Variants in CSMD3 observed in about 807,000 individuals in gnomAD.
CSMD3 encodes the protein CUB and sushi domain-containing protein 3.
Under a neutral mutation model 435.2 loss-of-function variants are expected in CSMD3, and 177 were observed. That is an observed-to-expected ratio of 0.41 (90% confidence interval 0.36 to 0.46). CSMD3 has a LOEUF of 0.46. CSMD3 is among the 20% of genes least tolerant of loss of function. CSMD3 has a pLI of 0.34. For missense variants in CSMD3, 4,265 were observed against 4,504.6 expected, an observed-to-expected ratio of 0.95 and a Z score of 1.52; for synonymous variants, 1,656 against 1,520.5, an observed-to-expected ratio of 1.09 and a Z score of -2.07.
intron 4 of CSMD3, among the ~76,000 whole-genome samples, chr8:113,103,993 T>C (rs1482928378): frequency 6.6e-6 from 1 of 152,096 alleles, no homozygotes; most frequent in Non-Finnish European, 1.5e-5. Context: ...TTGAACATAA[T>C]ATAAATTGGA....
At chr8:112,252,679 GTATATATATATA>G (rs10542301) in intron 63 of CSMD3, among the ~76,000 whole-genome samples, 76 of 141,360 alleles carry the variant, frequency 5.4e-4, no homozygotes, top group Middle Eastern at 3.8e-3. Context: ...ATGTGTGTGT[GTATATATATATA>G]TATATATATA....
chr8:112,659,174 A>C (rs1249409702), intron 17 of CSMD3, among the ~76,000 whole-genome samples: 1 of 151,480 alleles, frequency 6.6e-6, no homozygotes, highest in Non-Finnish European at 1.5e-5. Context: ...AACATTGTTC[A>C]GTACCAGTGA....
chr8:113,012,109 A>T (rs901440884), intron 6 of CSMD3, among the ~76,000 whole-genome samples: 4 of 151,938 alleles, frequency 2.6e-5, no homozygotes, highest in South Asian at 2.1e-4. Context: ...CAAATACTAC[A>T]TACCAATGAA....
intron 9 of CSMD3, among the ~76,000 whole-genome samples, chr8:112,922,081 G>A (rs772622861): frequency 6.6e-6 from 1 of 151,960 alleles, no homozygotes; most frequent in East Asian, 1.9e-4. Context: ...TTTCTGGCAT[G>A]TATTTACATG....
At chr8:113,337,579 T>G (rs752996317) in intron 1 of CSMD3, among the ~76,000 whole-genome samples, 7 of 152,058 alleles carry the variant, frequency 4.6e-5, no homozygotes, top group Non-Finnish European at 8.8e-5. Flanking sequence ...GTTTAGGTAA[T>G]AGCTTAGATC....
chr8:112,475,393 T>C (rs1392854547), intron 31 of CSMD3, among the ~76,000 whole-genome samples: 1 of 152,162 alleles, frequency 6.6e-6, no homozygotes, highest in East Asian at 1.9e-4. Context: ...TTTAATCACA[T>C]GTCCTTATGG....
intron 1 of CSMD3, among the ~76,000 whole-genome samples, chr8:113,344,759 G>C (rs560743468): frequency 6.6e-6 from 1 of 152,192 alleles, no homozygotes; most frequent in Admixed American, 6.6e-5. Flanking sequence ...ATTTTCTGTA[G>C]CTAAGTTCTC....
intron 3 of CSMD3, among the ~76,000 whole-genome samples, chr8:113,203,592 TATAATTAA>T (rs1038469693): frequency 6.6e-6 from 1 of 151,810 alleles, no homozygotes; most frequent in Non-Finnish European, 1.5e-5. Flanking sequence ...TTTTATCCAA[TATAATTAA>T]ATATATAATT....
chr8:112,878,075 A>C lies in CSMD3; in HGVS notation c.1634-18809T>G, dbSNP rs1482454759. ...AGCCAAAACTGACAAATGGGATCTA[A>C]TTAAACTAAAGAGCTTCTGCACAGC... On this transcript the variant is annotated intron_variant, in intron 10 of 70. Coordinates refer to ENST00000297405, the MANE Select transcript of CSMD3 (RefSeq NM_198123.2). Among the ~76,000 whole-genome samples, 4 of 152,220 alleles carry C rather than the reference A, an allele frequency of 2.6e-5. No individual in the cohort carries two copies. In the East Asian group the frequency reaches 5.8e-4, roughly 22 times the overall value.
intron 61 of CSMD3, among the ~76,000 whole-genome samples, chr8:112,259,510 A>G (rs1003593164): frequency 2.0e-5 from 3 of 152,146 alleles, no homozygotes; most frequent in African/African-American, 4.8e-5. Flanking sequence ...TGATGAGTGC[A>G]GCAAACCACC....
intron 6 of CSMD3, among the ~76,000 whole-genome samples, chr8:112,984,665 T>C (rs1360904858): frequency 1.3e-5 from 2 of 152,102 alleles, no homozygotes; most frequent in African/African-American, 2.4e-5. Flanking sequence ...GAACAGAATA[T>C]ATTTGGAAAG....
intron 35 of CSMD3, among the ~76,000 whole-genome samples, chr8:112,402,271 T>A (rs570652773): frequency 5.9e-4 from 90 of 152,344 alleles, no homozygotes; most frequent in African/African-American, 2.1e-3. Flanking sequence ...CACCCACGAC[T>A]CTTGTGCTGA....
intron 32 of CSMD3, among the ~76,000 whole-genome samples, chr8:112,471,561 G>A (rs1230379793): frequency 1.3e-5 from 2 of 152,090 alleles, no homozygotes; most frequent in Non-Finnish European, 2.9e-5. Flanking sequence ...CTACATTTCT[G>A]ATGACAGTAC....
chr8:112,267,022 C>T (rs1817016177), intron 59 of CSMD3, among the ~76,000 whole-genome samples: 1 of 152,024 alleles, frequency 6.6e-6, no homozygotes, highest in Admixed American at 6.6e-5. Flanking sequence ...TCTCTGTCTA[C>T]TCCTCTTTCT....
chr8:112,525,768 A>ATG (rs1279067208), intron 27 of CSMD3, among the ~76,000 whole-genome samples: 46 of 141,672 alleles, frequency 3.2e-4, no homozygotes, highest in African/African-American at 1.2e-3. Flanking sequence ...ATATATATAT[A>ATG]TATTTATATG....
intron 1 of CSMD3, among the ~76,000 whole-genome samples, chr8:113,351,607 T>A (rs1312519932): frequency 6.6e-6 from 1 of 152,152 alleles, no homozygotes; most frequent in Non-Finnish European, 1.5e-5. Context: ...GTCCTGAAAT[T>A]GAATGTATTC....
chr8:113,074,364 C>T (rs2089256037), intron 5 of CSMD3, among the ~76,000 whole-genome samples: 1 of 151,856 alleles, frequency 6.6e-6, no homozygotes, highest in African/African-American at 2.4e-5. Context: ...TGCACCTACT[C>T]TGAAAATGGA....
Position 112,638,827 on chromosome 8 carries a change from G to C in CSMD3, c.3395C>G (p.Pro1132Arg), listed in dbSNP as rs765683126. ...LITENGSFTQ[P>R]LARLTGSDLP... is the part of the protein sequence containing the mutation. Reference sequence around the variant, plus strand: ...ATCTGAACCAGTCAGGCGTGCCAGTGGTTGGGTAAAACTGCCATTCTCTGT... The same window carrying C: ...ATCTGAACCAGTCAGGCGTGCCAGTCGTTGGGTAAAACTGCCATTCTCTGT... The change falls in exon 21 of 71, where the codon CCA (proline) becomes CGA (arginine). Residue 1132 changes from proline to arginine, a missense_variant. Coordinates refer to ENST00000297405, the MANE Select transcript of CSMD3 (RefSeq NM_198123.2). 1 of 1,612,666 alleles carries C rather than the reference G, an allele frequency of 6.2e-7. No homozygotes were observed. Among genetic ancestry groups the C allele is most frequent in the East Asian group, 2.2e-5 (1 of 44,820 alleles).
At chr8:112,998,685 GTGTCTCCACCCAAATC>G (rs2085745532) in intron 6 of CSMD3, among the ~76,000 whole-genome samples, 1 of 151,900 alleles carries the variant, frequency 6.6e-6, no homozygotes, top group Non-Finnish European at 1.5e-5. Flanking sequence ...GTTTGGATTT[GTGTCTCCACCCAAATC>G]TCATGTAAAT....
Sources: allele counts gnomAD v4.1 joint callset (sites outside exome capture counted in the v4.1 genomes callset), GRCh38; gene constraint gnomAD v4.1.1; transcripts MANE v1.5; gene names NCBI Gene and HGNC (gene_info 2026-07-23, HGNC 2026-07-21).